The following RASGRP2 variants were observed in gnomAD, a reference collection of about 807,000 sequenced individuals.
RASGRP2 encodes the protein RAS guanyl-releasing protein 2.
A neutral mutation model predicts 71.0 loss-of-function variants in RASGRP2; 44 were observed. That is an observed-to-expected ratio of 0.62 (90% CI 0.49 to 0.80). The LOEUF (loss-of-function observed/expected upper bound fraction) is 0.80, where lower values mean the gene tolerates loss of function less well. RASGRP2 is among the 30% of genes least tolerant of loss of function. The pLI, the probability that RASGRP2 is intolerant of heterozygous loss-of-function variation, is 0.00. For synonymous variants in RASGRP2, 350 were observed against 330.7 expected, an observed-to-expected ratio of 1.06 and a Z score of -0.63; for missense variants, 663 against 813.4, an observed-to-expected ratio of 0.82 and a Z score of 2.25.
Position 64,727,206 on chromosome 11 carries a change from A to G in RASGRP2, c.*7-75T>C. ...GTAGTAGCCCACCTGGCTTGGAGCC[A>G]TTTGGATAAAGCACCCATTTCCCTG... is the stretch of plus-strand genomic sequence containing the variant. On this transcript the variant is annotated intron_variant, in intron 16 of 16. Transcript: ENST00000394432. 3.4e-6 allele frequency: 4 copies of G among 1,193,792 alleles called. No homozygotes were observed. In the Admixed American group the frequency reaches 5.2e-5, roughly 16 times the overall value. The allele number at this position is 1,193,792 out of a possible 1,614,324, so 73.9% of individuals were successfully genotyped here.
Position 64,739,240 on chromosome 11 carries a change from T to C in RASGRP2, c.813+120A>G. 4.9e-6 allele frequency: 4 copies of C among 812,300 alleles called. No individual in the cohort carries two copies. The East Asian group carries it at 1.1e-4, about 21-fold the overall frequency. The allele number at this position is 812,300 out of a possible 1,614,324, so 50.3% of individuals were successfully genotyped here. A position where few individuals can be genotyped will look rare whatever the true frequency, so the allele number is the denominator to read the frequency against. On this transcript the variant is annotated intron_variant, in intron 8 of 16. Transcript: ENST00000394432. The surrounding 1 kb of genome is among the most constrained non-coding windows in gnomAD (Gnocchi z 4.2). ...CAAACTGAGAAAAGCACTTAACCCC[T>C]CTGAGCCTCCATTTCCATATCTATC...
chr11:64,732,010 T>C (rs580374), intron 12 of RASGRP2, among the ~76,000 whole-genome samples: 114,462 of 152,114 alleles, frequency 0.75, 45,639 homozygotes, highest in Non-Finnish European at 0.9. Context: ...AGAATCATAC[T>C]GAAAAACTGG....
At chr11:64,727,182 T>G (rs1395217778) in intron 16 of RASGRP2, 51 bp from the exon 17 acceptor site, 2 of 861,074 alleles carry the variant, frequency 2.3e-6, no homozygotes, top group Non-Finnish European at 3.9e-6. Context: ...AACAACAAGG[T>G]AGTAGCCCAC....
rs760132708 is a variant in RASGRP2 at position 64,730,150 on chromosome 11, C to T, written c.1457G>A (p.Arg486His). 30 of 1,551,606 alleles carry T rather than the reference C, an allele frequency of 1.9e-5. No homozygotes were observed. In the South Asian group the frequency reaches 3.1e-4, roughly 16 times the overall value. The change falls in exon 13 of 17, where the codon CGC (arginine) becomes CAC (histidine). Residue 486 changes from arginine (R) to histidine (H), a missense_variant. Coordinates refer to ENST00000394432, the MANE Select transcript of RASGRP2 (RefSeq NM_001098671.2). The part of the protein sequence containing the change: ...SREEMVSYFL[R>H]SSSVLGGRMG... ...GCGCCCCCCCAACACAGAGCTGGAGCGCAGGAAATAGGAAACCATCTCCTC... is the reference window on the plus strand; with the variant it reads ...GCGCCCCCCCAACACAGAGCTGGAGTGCAGGAAATAGGAAACCATCTCCTC...
At chr11:64,730,987 G>A (rs532942201) in intron 12 of RASGRP2, among the ~76,000 whole-genome samples, 55 of 152,352 alleles carry the variant, frequency 3.6e-4, no homozygotes, top group Admixed American at 5.2e-4. Flanking sequence ...ACTCCCACCT[G>A]CTTATGAGGG....
Position 64,742,390 on chromosome 11 carries a change from G to C in RASGRP2, c.74-278C>G. 1.7e-6 allele frequency: 1 copy of C among 581,530 alleles called. No homozygotes were observed. The highest frequency in any genetic ancestry group is 3.1e-6 in the Non-Finnish European group (1 of 324,866). 36.0% of individuals were successfully genotyped at this position (581,530 alleles called of 1,614,324 possible). ...GGGCGGAAGGAGCCTGGGTTCCCCG[G>C]GGTCAAGAATCCAGAGGTCATTTCC... On this transcript the variant is annotated intron_variant, in intron 2 of 16. Transcript: ENST00000394432. This position sits in a 1 kb window ranked among gnomAD's most constrained non-coding sequence, Gnocchi z 4.7.
rs752166979 is a variant in RASGRP2, at chr11:64,740,958, T to C, written c.361A>G (p.Ile121Val). The C allele has an allele frequency of 5.0e-6, 8 of 1,609,710 alleles. No homozygotes were observed. Among genetic ancestry groups the C allele is most frequent in the African/African-American group, 2.7e-5 (2 of 74,630 alleles). ...GCTCCCCCCACGCACACGCTGTCTA[T>C]GTCGATTAGGCTGCTGTGCCGTCGG... ...GNRRHSSLID[I>V]DSVPTYKWKR... Residue 121 changes from isoleucine (I) to valine (V), a missense_variant, in exon 5 of 17, where the codon ATA (isoleucine) becomes GTA (valine). By Grantham distance (29) the Ile-to-Val change is conservative. Coordinates refer to ENST00000394432, the MANE Select transcript of RASGRP2 (RefSeq NM_001098671.2).
intron 3 of RASGRP2, 128 bp downstream of exon 3, chr11:64,741,882 G>T (rs1265857061): frequency 2.4e-6 from 2 of 833,970 alleles, no homozygotes; most frequent in East Asian, 2.7e-5. Context: ...AGGCTGGGAC[G>T]ACGCCTGAGC....
intron 12 of RASGRP2, among the ~76,000 whole-genome samples, chr11:64,731,647 C>T (rs1275082195): frequency 1.3e-5 from 2 of 152,112 alleles, no homozygotes; most frequent in African/African-American, 2.4e-5. Context: ...GGAATCAGAA[C>T]AGGCAATTGA....
At position 64,742,208 on chromosome 11, in the gene RASGRP2, G is replaced by A. The variant is rs143079929; in HGVS notation, c.74-96C>T. The A allele has an allele frequency of 3.6e-4, 342 of 947,402 alleles. 3 individuals are homozygous for A. The African/African-American group carries it at 4.8e-3, about 13-fold the overall frequency. 58.7% of individuals were successfully genotyped at this position (947,402 alleles called of 1,614,324 possible). ...AACCCGCCAGGTATCGGTCCTTCGG[G>A]TGCACGCTCGACCCCGCCCACCTCC... On this transcript the variant is annotated intron_variant, in intron 2 of 16. Transcript: ENST00000394432. The surrounding 1 kb of genome is among the most constrained non-coding windows in gnomAD (Gnocchi z 4.7).
intron 14 of RASGRP2, among the ~76,000 whole-genome samples, chr11:64,729,338 T>G (rs544068396): frequency 5.0e-5 from 2 of 40,368 alleles, no homozygotes; most frequent in East Asian, 1.0e-3. Flanking sequence ...TGGGGGTTTT[T>G]TTGTTGTTTT....
Position 64,736,890 on chromosome 11 carries a change from C to G in RASGRP2, c.958G>C (p.Asp320His). Residue 320 changes from aspartate (D) to histidine (H), a missense_variant, in exon 9 of 17, where the codon GAC becomes CAC. Physicochemically the swap from Asp to His is moderately conservative, Grantham distance 81. Coordinates refer to ENST00000394432, the MANE Select transcript of RASGRP2 (RefSeq NM_001098671.2). ...DLVALQLALP[D>H]WLDPARTRLN... Reference sequence around the variant, plus strand: ...CGGGTCCGGGCTGGGTCCAGCCAGTCAGGCAGTGCCAGCTGCAGGGCCACC... The same window carrying G: ...CGGGTCCGGGCTGGGTCCAGCCAGTGAGGCAGTGCCAGCTGCAGGGCCACC... The G allele has an allele frequency of 6.2e-7, 1 of 1,613,912 alleles. No individual in the cohort carries two copies. Among genetic ancestry groups the G allele is most frequent in the Non-Finnish European group, 8.5e-7 (1 of 1,180,034 alleles).
chr11:64,736,797 G>A lies in RASGRP2; in HGVS notation c.1051C>T (p.Arg351Trp), dbSNP rs541845100. The A allele has an allele frequency of 8.7e-6, 14 of 1,606,366 alleles. No homozygotes were observed. Among genetic ancestry groups the A allele is most frequent in the Admixed American group, 6.7e-5 (4 of 59,294 alleles). The change falls in exon 9 of 17, where the codon CGG becomes TGG. Residue 351 changes from arginine to tryptophan, a missense_variant. Coordinates refer to ENST00000394432, the MANE Select transcript of RASGRP2 (RefSeq NM_001098671.2). ...LEELAMVTSL[R>W]PPVQANPDLL... ...TCGGGGTTGGCCTGTACTGGTGGCCGCAGGCTGGTCACCATGGCCAGCTCC... is the reference window on the plus strand; with the variant it reads ...TCGGGGTTGGCCTGTACTGGTGGCCACAGGCTGGTCACCATGGCCAGCTCC...
chr11:64,727,685 G>A (rs917258142), intron 15 of RASGRP2, among the ~76,000 whole-genome samples: 2 of 151,826 alleles, frequency 1.3e-5, no homozygotes, highest in Non-Finnish European at 2.9e-5. Flanking sequence ...GCTAATTTTT[G>A]TATTTTTGTA....
intron 14 of RASGRP2, 123 bp downstream of exon 14, chr11:64,729,639 G>T: frequency 8.0e-7 from 1 of 1,248,674 alleles, no homozygotes. Context: ...GCCCGGCCAT[G>T]CGCCTCTGAT....
chr11:64,736,077 G>A (rs1263521407), intron 9 of RASGRP2, 97 bp from the exon 10 acceptor site: 12 of 932,326 alleles, frequency 1.3e-5, no homozygotes, highest in Non-Finnish European at 1.9e-5. Flanking sequence ...TCAGCTCAGA[G>A]CTCGGGTCAG....
intron 15 of RASGRP2, among the ~76,000 whole-genome samples, chr11:64,728,577 G>A (rs1043444926): frequency 3.3e-5 from 5 of 151,890 alleles, no homozygotes; most frequent in South Asian, 2.1e-4. Context: ...ACAGGCGTCC[G>A]CCACCACGCC....
chr11:64,738,265 A>C (rs2058011941), intron 8 of RASGRP2, among the ~76,000 whole-genome samples: 1 of 152,170 alleles, frequency 6.6e-6, no homozygotes, highest in South Asian at 2.1e-4. Context: ...GCATACCTAC[A>C]TGGTGAAGCT....
intron 13 of RASGRP2, 74 bp downstream of exon 13, chr11:64,729,979 G>T: frequency 1.3e-6 from 2 of 1,524,226 alleles, no homozygotes; most frequent in Non-Finnish European, 1.8e-6. Context: ...TGGCAGAGGC[G>T]GGGCCAGAAG....
Sources: gnomAD v4.1 joint callset for allele counts (sites outside exome capture counted in the v4.1 genomes callset) on GRCh38, gnomAD v4.1.1 for gene constraint, Gnocchi (gnomAD v3.1) non-coding constraint, MANE v1.5 for transcripts, NCBI Gene and HGNC (gene_info 2026-07-23, HGNC 2026-07-21) for gene names.